RHBDL2: variants seen among roughly 807,000 people sequenced by gnomAD.
The protein encoded by RHBDL2 is rhomboid-related protein 2.
In RHBDL2, 26 loss-of-function variants were observed where a neutral mutation model predicts 31.7. The ratio of observed to expected loss-of-function variants is 0.82; its 90% CI spans 0.60 to 1.14. RHBDL2 has a LOEUF of 1.14. Among genes scored for constraint, RHBDL2 ranks in the 50% most tolerant of loss-of-function variants. The pLI is 0.00. For missense variants in RHBDL2, 336 were observed against 364.4 expected (o/e 0.92, Z 0.63); for synonymous variants, 123 against 127.2 (o/e 0.97, Z 0.22).
chr1:38,900,034 A>G (rs1466178239), intron 4 of RHBDL2, among the ~76,000 whole-genome samples: 1 of 152,242 alleles, frequency 6.6e-6, no homozygotes, highest in Non-Finnish European at 1.5e-5. Flanking sequence ...CTCAGAGTAC[A>G]CAAAAGGGTC....
chr1:38,909,411 T>C (rs955613330), intron 4 of RHBDL2, among the ~76,000 whole-genome samples: 4 of 152,108 alleles, frequency 2.6e-5, no homozygotes. Context: ...ACGGTGAATG[T>C]AAAATGGGAG....
chr1:38,928,877 A>C (rs899467282), intron 1 of RHBDL2, among the ~76,000 whole-genome samples: 12 of 152,130 alleles, frequency 7.9e-5, no homozygotes, highest in African/African-American at 2.9e-4. Context: ...CCTGGGCAAC[A>C]CAGCGAAAGC....
intron 1 of RHBDL2, among the ~76,000 whole-genome samples, chr1:38,931,982 A>T (rs1425797895): frequency 2.0e-5 from 3 of 152,116 alleles, no homozygotes; most frequent in Non-Finnish European, 4.4e-5. Flanking sequence ...ACTGGTTTTG[A>T]CCAATACTAC....
At chr1:38,902,517 T>G (rs1202476000) in intron 4 of RHBDL2, among the ~76,000 whole-genome samples, 3 of 151,932 alleles carry the variant, frequency 2.0e-5, no homozygotes, top group Non-Finnish European at 4.4e-5. Flanking sequence ...CTTCCCAGGT[T>G]TAAGCGATTC....
At chr1:38,941,301 G>A (rs778275724) in intron 1 of RHBDL2, among the ~76,000 whole-genome samples, 1 of 152,168 alleles carries the variant, frequency 6.6e-6, no homozygotes, top group Non-Finnish European at 1.5e-5. Flanking sequence ...AAAGGGCTAG[G>A]AACTGGCTTA....
intron 6 of RHBDL2, among the ~76,000 whole-genome samples, chr1:38,892,141 C>A (rs769649499): frequency 6.6e-6 from 1 of 152,194 alleles, no homozygotes; most frequent in Non-Finnish European, 1.5e-5. Flanking sequence ...ACATTAGTCA[C>A]CCTCTTGGTC....
At chr1:38,894,707 C>T (rs200082439) in intron 5 of RHBDL2, among the ~76,000 whole-genome samples, 68 of 114,134 alleles carry the variant, frequency 6.0e-4, no homozygotes, top group Non-Finnish European at 7.4e-4. Flanking sequence ...CTTTTTTTTT[C>T]TTTTTTTTTT....
At chr1:38,914,798 G>A (rs1046501761) in intron 3 of RHBDL2, among the ~76,000 whole-genome samples, 7 of 151,620 alleles carry the variant, frequency 4.6e-5, no homozygotes, top group African/African-American at 1.7e-4. Flanking sequence ...GGGAGGCCAA[G>A]GCGGATGGAT....
chr1:38,901,426 C>T (rs1642986911), intron 4 of RHBDL2, among the ~76,000 whole-genome samples: 1 of 138,100 alleles, frequency 7.2e-6, no homozygotes, highest in Admixed American at 7.6e-5. Context: ...CGCACCATTG[C>T]ACTCCAGCCT....
chr1:38,924,850 C>T (rs746516623), intron 1 of RHBDL2, among the ~76,000 whole-genome samples: 10 of 144,328 alleles, frequency 6.9e-5, no homozygotes, highest in Non-Finnish European at 1.0e-4. Context: ...GGTGCGATCT[C>T]GGCTCACCAC....
intron 4 of RHBDL2, among the ~76,000 whole-genome samples, chr1:38,901,824 T>C (rs1325224495): frequency 6.7e-6 from 1 of 149,470 alleles, no homozygotes; most frequent in Non-Finnish European, 1.5e-5. Flanking sequence ...AGAGCGAGAC[T>C]CCATCTCAAA....
At chr1:38,912,910 A>ATATATATATATGTGTGTGTGTGTGTG (rs1399583863) in intron 3 of RHBDL2, among the ~76,000 whole-genome samples, 1 of 41,392 alleles carries the variant, frequency 2.4e-5, no homozygotes, top group African/African-American at 9.2e-5. Flanking sequence ...ATATATATAT[A>ATATATATATATGTGTGTGTGTGTGTG]TGTGTGTGTG....
intron 4 of RHBDL2, among the ~76,000 whole-genome samples, chr1:38,910,245 C>T (rs1424260217): frequency 6.6e-6 from 1 of 152,038 alleles, no homozygotes; most frequent in Non-Finnish European, 1.5e-5. Flanking sequence ...ATAAGGGATC[C>T]ATATGGTTTG....
At chr1:38,889,163 G>A (rs1570910118) in intron 6 of RHBDL2, among the ~76,000 whole-genome samples, 1 of 152,050 alleles carries the variant, frequency 6.6e-6, no homozygotes, top group African/African-American at 2.4e-5. Flanking sequence ...GTGCAATCTC[G>A]GCTCACTGCA....
intron 1 of RHBDL2, among the ~76,000 whole-genome samples, chr1:38,932,737 G>A (rs1017746272): frequency 7.2e-5 from 11 of 152,178 alleles, no homozygotes; most frequent in Admixed American, 2.0e-4. Context: ...TGGAATTACA[G>A]GCGTGAGCCA....
rs183842054 is a variant in RHBDL2 at position 38,908,637 on chromosome 1, G to A, written c.508+2685C>T. ...TGGGGGTGTTGTTCGCTTCTTCAGT[G>A]CCCTGCTGCTCAAACCTCTGGGGGA... On this transcript the variant is annotated intron_variant, in intron 4 of 7. Coordinates refer to ENST00000372990, the MANE Select transcript of RHBDL2 (RefSeq NM_017821.5). Among the ~76,000 whole-genome samples the A allele has an allele frequency of 2.0e-3, 301 of 151,952 alleles. 2 individuals carry two copies. Among genetic ancestry groups the A allele is most frequent in the African/African-American group, 6.6e-3 (273 of 41,424 alleles).
At chr1:38,934,697 C>T (rs1643473479) in intron 1 of RHBDL2, among the ~76,000 whole-genome samples, 1 of 148,492 alleles carries the variant, frequency 6.7e-6, no homozygotes, top group South Asian at 2.1e-4. Context: ...GTGGCTCACA[C>T]TTATAATCCC....
intron 4 of RHBDL2, among the ~76,000 whole-genome samples, chr1:38,909,714 C>T (rs916137009): frequency 1.3e-5 from 2 of 151,756 alleles, no homozygotes; most frequent in African/African-American, 4.8e-5. Flanking sequence ...TGCACTCCAG[C>T]CTGGACGACA....
intron 1 of RHBDL2, among the ~76,000 whole-genome samples, chr1:38,933,366 A>G (rs1643458665): frequency 6.6e-6 from 1 of 152,000 alleles, no homozygotes; most frequent in East Asian, 1.9e-4. Flanking sequence ...CCGCACCCCT[A>G]TATGCTCTAC....
Sources: gnomAD v4.1 joint callset for allele counts (sites outside exome capture counted in the v4.1 genomes callset) on GRCh38, gnomAD v4.1.1 for gene constraint, MANE v1.5 for transcripts, NCBI Gene and HGNC (gene_info 2026-07-23, HGNC 2026-07-21) for gene names.